The following ACTR3B variants were observed in gnomAD, a reference collection of about 807,000 sequenced individuals.
ACTR3B encodes actin related protein 3B.
A neutral mutation model predicts 59.0 loss-of-function variants in ACTR3B; 8 were observed. That is an observed-to-expected ratio of 0.14 (90% CI 0.08 to 0.24). ACTR3B has a LOEUF of 0.24. Ranked by LOEUF, ACTR3B falls within the 10% of genes least tolerant of loss-of-function variation. The pLI is 1.00. For missense variants in ACTR3B, 245 were observed against 552.3 expected, an observed-to-expected ratio of 0.44 and a Z score of 5.58; for synonymous variants, 148 against 197.9, an observed-to-expected ratio of 0.75 and a Z score of 2.12.
intron 9 of ACTR3B, among the ~76,000 whole-genome samples, chr7:152,834,423 G>C (rs575141614): frequency 1.3e-5 from 2 of 152,276 alleles, no homozygotes; most frequent in East Asian, 3.9e-4. Flanking sequence ...CGAAGTGCTG[G>C]GATTACAAGT....
chr7:152,851,651 G>A (rs1309109308), intron 9 of ACTR3B, among the ~76,000 whole-genome samples: 1 of 152,196 alleles, frequency 6.6e-6, no homozygotes, highest in African/African-American at 2.4e-5. Flanking sequence ...CTGGCTGGGT[G>A]GCTCATCTGA....
At chr7:152,806,603 G>C in intron 4 of ACTR3B, among the ~76,000 whole-genome samples, 1 of 152,156 alleles carries the variant, frequency 6.6e-6, no homozygotes, top group Non-Finnish European at 1.5e-5. Context: ...ATGATCACCA[G>C]TTGATTACTG....
intron 1 of ACTR3B, among the ~76,000 whole-genome samples, chr7:152,776,933 A>C (rs1310576570): frequency 1.3e-5 from 2 of 152,300 alleles, no homozygotes; most frequent in East Asian, 3.9e-4. Context: ...TATTGAATGG[A>C]TGTAATATAA....
chr7:152,829,494 C>T (rs2689569), intron 9 of ACTR3B, among the ~76,000 whole-genome samples: 8 of 152,316 alleles, frequency 5.3e-5, no homozygotes, highest in South Asian at 4.1e-4. Context: ...TTCCGTCTGA[C>T]GTGTAGATGA....
At chr7:152,822,855 C>T (rs1407847353) in intron 7 of ACTR3B, among the ~76,000 whole-genome samples, 2 of 152,196 alleles carry the variant, frequency 1.3e-5, no homozygotes, top group Non-Finnish European at 2.9e-5. Flanking sequence ...AGTGGCCACC[C>T]GGCTTGTGGC....
In ACTR3B at chr7:152,819,095, T is replaced by C. The variant is rs548448610; in HGVS notation, c.541-1204T>C. On this transcript the variant is annotated intron_variant, in intron 6 of 11. Coordinates refer to ENST00000256001, the MANE Select transcript of ACTR3B (RefSeq NM_020445.6). ...AATAGTTTATGTATTAGAAAGCTAA[T>C]ATTATTTTTATGGGTTTAAGTTGAG... Among the ~76,000 whole-genome samples the C allele has an allele frequency of 5.3e-5, 8 of 152,304 alleles. No individual in the cohort carries two copies. The East Asian group carries it at 1.3e-3, about 26-fold the overall frequency.
chr7:152,815,621 G>A (rs73728858), intron 5 of ACTR3B, among the ~76,000 whole-genome samples: 22,043 of 152,180 alleles, frequency 0.14, 2,315 homozygotes, highest in African/African-American at 0.3. Context: ...GAGCGTAGCA[G>A]CATCCCTGGC....
chr7:152,824,975 T>C lies in ACTR3B; in HGVS notation c.859-55T>C, dbSNP rs1254227092. 1 of 1,561,442 alleles carries C rather than the reference T, an allele frequency of 6.4e-7. No homozygotes were observed. The highest frequency in any genetic ancestry group is 1.4e-5 in the African/African-American group (1 of 73,232). Reference sequence around the variant, plus strand: ...AAGTTACTTTAAAGAAGTGTGCATGTTGTTCTATTTGAGAGAAATGTGTAA... The same window carrying C: ...AAGTTACTTTAAAGAAGTGTGCATGCTGTTCTATTTGAGAGAAATGTGTAA... On this transcript the variant is annotated intron_variant, in intron 8 of 11. Coordinates refer to ENST00000256001, the MANE Select transcript of ACTR3B (RefSeq NM_020445.6). This position sits in a 1 kb window ranked among gnomAD's most constrained non-coding sequence, Gnocchi z 4.2.
At chr7:152,827,866 G>A (rs889817668) in intron 9 of ACTR3B, among the ~76,000 whole-genome samples, 1 of 151,516 alleles carries the variant, frequency 6.6e-6, no homozygotes, top group Non-Finnish European at 1.5e-5. Flanking sequence ...GTTTCTGTGC[G>A]TTAGCCTGCC....
intron 9 of ACTR3B, among the ~76,000 whole-genome samples, chr7:152,849,240 C>T (rs1010180038): frequency 1.3e-5 from 2 of 152,142 alleles, no homozygotes; most frequent in East Asian, 1.9e-4. Context: ...AGATAGTCCC[C>T]GTAAGGCATG....
intron 4 of ACTR3B, among the ~76,000 whole-genome samples, chr7:152,807,861 A>G (rs1389703436): frequency 6.6e-6 from 1 of 151,750 alleles, no homozygotes; most frequent in Non-Finnish European, 1.5e-5. Context: ...CTTTGTTTTT[A>G]CTTAACTTTT....
At position 152,854,715 on chromosome 7, in the gene ACTR3B, AGCC is replaced by A; in HGVS notation, c.*163_*165del. 1.5e-6 allele frequency: 1 copy of A among 667,968 alleles called. No homozygotes were observed. Among genetic ancestry groups the A allele is most frequent in the East Asian group, 2.8e-5 (1 of 35,172 alleles). The allele number at this position is 667,968 out of a possible 1,614,324, so 41.4% of individuals were successfully genotyped here. A position where few individuals can be genotyped will look rare whatever the true frequency, so the allele number is the denominator to read the frequency against. On this transcript the variant is annotated 3_prime_UTR_variant, in exon 12 of 12. Transcript: ENST00000256001. This position sits in a 1 kb window ranked among gnomAD's most constrained non-coding sequence, Gnocchi z 4.9. ...GGCGCGGCGCGGGCCCTTCAGTAAA[AGCC>A]ATTTATCCGTGTGCCGACCGCTGTC...
chr7:152,847,389 A>G (rs1404311460), intron 9 of ACTR3B, among the ~76,000 whole-genome samples: 1 of 152,224 alleles, frequency 6.6e-6, no homozygotes, highest in African/African-American at 2.4e-5. Context: ...TCCTTCAATT[A>G]CTGAAGGAAG....
At position 152,855,315 on chromosome 7, in the gene ACTR3B, A is replaced by T. The variant is rs1173597260; in HGVS notation, c.*762A>T. 4 of 152,160 alleles carry T rather than the reference A, an allele frequency of 2.6e-5. No homozygotes were observed. Among genetic ancestry groups the T allele is most frequent in the Non-Finnish European group, 5.9e-5 (4 of 68,046 alleles). The allele number at this position is 152,160 out of a possible 1,614,324, so 9.4% of individuals were successfully genotyped here. ...AGAAGATGATGGTTTGTTGTCGGTG[A>T]GTGTTGGATGAAATACTTCCTTGCA... On this transcript the variant is annotated 3_prime_UTR_variant, in exon 12 of 12. Transcript: ENST00000256001.
intron 9 of ACTR3B, among the ~76,000 whole-genome samples, chr7:152,848,476 AAAAC>A (rs750209272): frequency 8.5e-5 from 13 of 152,226 alleles, no homozygotes; most frequent in South Asian, 2.1e-4. Flanking sequence ...AAAGAACAAA[AAAAC>A]AAACCCCAAA....
intron 7 of ACTR3B, among the ~76,000 whole-genome samples, chr7:152,821,472 GA>G (rs376567031): frequency 0.012 from 1,640 of 135,848 alleles, 6 homozygotes; most frequent in African/African-American, 0.016. Context: ...TTTCAAAAAA[GA>G]AAAAAAAAAA....
chr7:152,770,045 A>G (rs1295572772), intron 1 of ACTR3B, among the ~76,000 whole-genome samples: 2 of 152,168 alleles, frequency 1.3e-5, no homozygotes, highest in African/African-American at 4.8e-5. Context: ...CATTTAGGAA[A>G]AGTTCTCTGT....
At chr7:152,817,957 G>A (rs552007816) in intron 6 of ACTR3B, among the ~76,000 whole-genome samples, 1 of 152,300 alleles carries the variant, frequency 6.6e-6, no homozygotes, top group East Asian at 1.9e-4. Context: ...CCCATACCTT[G>A]TACTCCTGGC....
chr7:152,835,034 A>G (rs1797333611), intron 9 of ACTR3B, among the ~76,000 whole-genome samples: 1 of 151,410 alleles, frequency 6.6e-6, no homozygotes, highest in South Asian at 2.1e-4. Context: ...ATAAGGGATC[A>G]CTTTGTTTTC....
Sources: allele counts gnomAD v4.1 joint callset (sites outside exome capture counted in the v4.1 genomes callset), GRCh38; gene constraint gnomAD v4.1.1; non-coding constraint Gnocchi (gnomAD v3.1); transcripts MANE v1.5; gene names NCBI Gene and HGNC (gene_info 2026-07-23, HGNC 2026-07-21).